Variants in SUCO observed in about 807,000 individuals in gnomAD.
SUCO encodes SUN domain-containing ossification factor.
SUCO carries 57 observed loss-of-function variants against 148.1 expected under a neutral mutation model. The ratio of observed to expected loss-of-function variants is 0.38; its 90% CI spans 0.31 to 0.48. The LOEUF is 0.48. Ranked by LOEUF, SUCO falls within the 20% of genes least tolerant of loss-of-function variation. SUCO has a pLI of 0.96. For missense variants in SUCO, 1,331 were observed against 1,468.2 expected, an observed-to-expected ratio of 0.91 and a Z score of 1.53; for synonymous variants, 470 against 502.7, an observed-to-expected ratio of 0.93 and a Z score of 0.87.
rs557130978 is a variant in SUCO at position 172,540,137 on chromosome 1, T to G, written c.62+6640T>G. On this transcript the variant is annotated intron_variant, in intron 1 of 23. Coordinates refer to ENST00000263688, the MANE Select transcript of SUCO (RefSeq NM_014283.5). ...TGAAGAAAGGTGGGCACAAAGAAGT[T>G]AAGTTCTTAACAGCTTGCCCAAGTT... Among the ~76,000 whole-genome samples, 6 of 152,346 alleles carry G rather than the reference T, an allele frequency of 3.9e-5. No homozygotes were observed. The East Asian group carries it at 1.2e-3, about 29-fold the overall frequency.
intron 1 of SUCO, among the ~76,000 whole-genome samples, 160 bp from the exon 2 acceptor site, chr1:172,551,352 A>T (rs145853619): frequency 5.3e-5 from 8 of 152,088 alleles, no homozygotes; most frequent in African/African-American, 1.9e-4. Flanking sequence ...ATACGTATTG[A>T]TTTTCGTCAT....
intron 1 of SUCO, among the ~76,000 whole-genome samples, chr1:172,539,548 T>A (rs1652284641): frequency 6.6e-6 from 1 of 152,178 alleles, no homozygotes; most frequent in Admixed American, 6.5e-5. Context: ...CTAGTTAAAA[T>A]TATTTTATAT....
At chr1:172,533,017 G>A, upstream of SUCO, 1 of 1,425,570 alleles carries the variant, frequency 7.0e-7, no homozygotes, top group Non-Finnish European at 9.2e-7. Context: ...GGACTTGGGT[G>A]ACGCGTCCCT....
At chr1:172,575,428 G>A (rs1239870944) in intron 10 of SUCO, 90 bp from the exon 11 acceptor site, 2 of 899,330 alleles carry the variant, frequency 2.2e-6, no homozygotes, top group Non-Finnish European at 3.4e-6. Context: ...CACCTGGAAA[G>A]GAAAAAAATT....
At chr1:172,574,050 GAA>G (rs1558192977) in intron 10 of SUCO, 52 bp downstream of exon 10, 1 of 1,144,466 alleles carries the variant, frequency 8.7e-7, no homozygotes, top group Admixed American at 2.6e-5. Context: ...CTGAAAAAAA[GAA>G]AAACAAAAAA....
At chr1:172,535,956 C>G (rs1651981650) in intron 1 of SUCO, among the ~76,000 whole-genome samples, 1 of 151,966 alleles carries the variant, frequency 6.6e-6, no homozygotes, top group Non-Finnish European at 1.5e-5. Context: ...GCTGTTTTTT[C>G]CTTTTGCATA....
chr1:172,560,658 C>T (rs926959988), intron 6 of SUCO, among the ~76,000 whole-genome samples: 3 of 152,190 alleles, frequency 2.0e-5, no homozygotes, highest in African/African-American at 7.2e-5. Flanking sequence ...TCTGGTGTTA[C>T]TATGACTGTG....
At chr1:172,560,290 A>C (rs1266379394) in intron 6 of SUCO, among the ~76,000 whole-genome samples, 1 of 152,204 alleles carries the variant, frequency 6.6e-6, no homozygotes, top group Admixed American at 6.5e-5. Context: ...ATAGTTGACC[A>C]GCTGTAGTTG....
chr1:172,544,197 T>C, intron 1 of SUCO: 1 of 905,910 alleles, frequency 1.1e-6, no homozygotes, highest in Non-Finnish European at 1.3e-6. Context: ...GGATTAACTT[T>C]GAATTTATGT....
intron 1 of SUCO, among the ~76,000 whole-genome samples, chr1:172,535,565 G>A (rs1482263390): frequency 1.3e-5 from 2 of 152,190 alleles, no homozygotes; most frequent in African/African-American, 4.8e-5. Flanking sequence ...GCAATCTGGT[G>A]TGGTATTTCT....
At chr1:172,569,407 C>T (rs1280947716) in intron 7 of SUCO, 9 of 978,780 alleles carry the variant, frequency 9.2e-6, no homozygotes, top group Admixed American at 6.2e-5. Context: ...CATCACAATA[C>T]GAGGAAAATT....
intron 16 of SUCO, 70 bp downstream of exon 16, chr1:172,585,156 G>A: frequency 1.6e-6 from 2 of 1,218,516 alleles, no homozygotes; most frequent in African/African-American, 1.5e-5. Context: ...GGAAAATCAA[G>A]TAATGAGTTA....
chr1:172,596,870 TGC>T (rs1657141084), intron 19 of SUCO, among the ~76,000 whole-genome samples: 1 of 152,250 alleles, frequency 6.6e-6, no homozygotes, highest in African/African-American at 2.4e-5. Flanking sequence ...TGTTCAGCTA[TGC>T]CCTGCCCCCA....
chr1:172,553,016 A>G (rs905518184), intron 2 of SUCO, among the ~76,000 whole-genome samples: 4 of 152,092 alleles, frequency 2.6e-5, no homozygotes, highest in African/African-American at 9.7e-5. Flanking sequence ...TGGTAAGACT[A>G]AAATGCTTAT....
intron 1 of SUCO, among the ~76,000 whole-genome samples, chr1:172,535,115 CT>C (rs1651915186): frequency 6.6e-6 from 1 of 152,102 alleles, no homozygotes; most frequent in Admixed American, 6.5e-5. Context: ...GTTTTCTCAC[CT>C]TCAATCATTA....
At chr1:172,533,636 C>G in intron 1 of SUCO, 139 bp downstream of exon 1, 1 of 1,104,998 alleles carries the variant, frequency 9.0e-7, no homozygotes, top group South Asian at 1.7e-5. Flanking sequence ...CCGATTACTT[C>G]TCGACTCTCC....
rs190390416 is a variant in SUCO at position 172,540,635 on chromosome 1, G to A, written c.62+7138G>A. Among the ~76,000 whole-genome samples, 123 of 152,292 alleles carry A rather than the reference G, an allele frequency of 8.1e-4. 1 individual carries two copies. Among genetic ancestry groups the A allele is most frequent in the African/African-American group, 2.9e-3 (119 of 41,554 alleles). ...GAGTTCTCAAGGAAGGCTTGACTTG[G>A]GTTTAAGGGAAATGTGTGGTTTATA... On this transcript the variant is annotated intron_variant, in intron 1 of 23. Coordinates refer to ENST00000263688, the MANE Select transcript of SUCO (RefSeq NM_014283.5).
At chr1:172,545,635 C>G (rs961287067) in intron 1 of SUCO, among the ~76,000 whole-genome samples, 10 of 151,976 alleles carry the variant, frequency 6.6e-5, no homozygotes, top group African/African-American at 2.4e-4. Context: ...ACAATGAGGA[C>G]AGAAACTAGA....
chr1:172,579,009 G>A (rs1228190072), intron 14 of SUCO, among the ~76,000 whole-genome samples, 193 bp from the exon 15 acceptor site: 1 of 151,794 alleles, frequency 6.6e-6, no homozygotes, highest in Non-Finnish European at 1.5e-5. Context: ...ATTTTCCTTG[G>A]TTTATATTTG....
Sources: allele counts gnomAD v4.1 joint callset (sites outside exome capture counted in the v4.1 genomes callset), GRCh38; gene constraint gnomAD v4.1.1; transcripts MANE v1.5; gene names NCBI Gene and HGNC (gene_info 2026-07-23, HGNC 2026-07-21).